The following DROSHA variants were observed in gnomAD, a reference collection of about 807,000 sequenced individuals.
DROSHA encodes the protein drosha ribonuclease III.
Under a neutral mutation model 181.9 loss-of-function variants are expected in DROSHA, and 56 were observed. The observed-to-expected ratio is 0.31, with a 90% CI of 0.25 to 0.38. The LOEUF is 0.38. DROSHA is among the 10% of genes least tolerant of loss of function. The probability of loss-of-function intolerance (pLI) is 1.00; values close to 1 mark genes in which losing one functional copy is unlikely to be tolerated. For synonymous variants in DROSHA, 524 were observed against 591.2 expected, an observed-to-expected ratio of 0.89 and a Z score of 1.65; for missense variants, 1,218 against 1,743.5, an observed-to-expected ratio of 0.70 and a Z score of 5.37.
chr5:31,411,916 T>C lies in DROSHA; in HGVS notation c.3526-1029A>G, dbSNP rs1378219369. ...TGTTGGGATTACAGGCGTGAGCCACTGCGCCCAGCCCATACTGGTATCCTT... is the reference window on the plus strand; with the variant it reads ...TGTTGGGATTACAGGCGTGAGCCACCGCGCCCAGCCCATACTGGTATCCTT... On this transcript the variant is annotated intron_variant, in intron 30 of 35. Coordinates refer to ENST00000344624, the MANE Select transcript of DROSHA (RefSeq NM_001382508.1). This position sits in a 1 kb window ranked among gnomAD's most constrained non-coding sequence, Gnocchi z 4.2. Among the ~76,000 whole-genome samples, 1 of 152,240 alleles carries C rather than the reference T, an allele frequency of 6.6e-6. No homozygotes were observed. The highest frequency in any genetic ancestry group is 1.5e-5 in the Non-Finnish European group (1 of 68,038).
At chr5:31,501,343 G>C (rs983419792) in intron 11 of DROSHA, among the ~76,000 whole-genome samples, 1 of 152,018 alleles carries the variant, frequency 6.6e-6, no homozygotes, top group Non-Finnish European at 1.5e-5. Context: ...TCCTTCCCCT[G>C]GTCCTTGAAT....
At chr5:31,492,422 C>T (rs1395159086) in intron 13 of DROSHA, among the ~76,000 whole-genome samples, 2 of 152,186 alleles carry the variant, frequency 1.3e-5, no homozygotes, top group Non-Finnish European at 1.5e-5. Context: ...AATAATTTTT[C>T]AAATTGCAGA....
rs573717147 is a variant in DROSHA, at chr5:31,508,568, A to G, written c.1587+53T>C. ...ATGTATCTTCTGAGCCCAGAGCAAT[A>G]ACCGTTATGTCTGGGTTTGCAACCT... On this transcript the variant is annotated intron_variant, in intron 10 of 35. Transcript: ENST00000344624. 2.9e-4 allele frequency: 462 copies of G among 1,610,500 alleles called. 2 individuals carry two copies. In the Middle Eastern group the frequency reaches 5.1e-3, roughly 18 times the overall value.
At chr5:31,406,068 TA>T (rs569842907) in intron 34 of DROSHA, among the ~76,000 whole-genome samples, 29 of 150,794 alleles carry the variant, frequency 1.9e-4, no homozygotes, top group Non-Finnish European at 3.7e-4. Context: ...AGGAAAAGAA[TA>T]AAAAAAAATA....
At position 31,464,076 on chromosome 5, in the gene DROSHA, A is replaced by G. The variant is rs996433711; in HGVS notation, c.2574+160T>C. 19 of 693,336 alleles carry G rather than the reference A, an allele frequency of 2.7e-5. No homozygotes were observed. In the African/African-American group the frequency reaches 2.9e-4, roughly 11 times the overall value. 42.9% of individuals were successfully genotyped at this position (693,336 alleles called of 1,614,324 possible). A position where few individuals can be genotyped will look rare whatever the true frequency, so the allele number is the denominator to read the frequency against. The stretch of plus-strand genomic sequence containing the variant: ...ACCAGCATCAAAACAGACAACAAAA[A>G]CAAAATCCAAATAATAGAAAACAAT... On this transcript the variant is annotated intron_variant, in intron 20 of 35. Transcript: ENST00000344624.
chr5:31,404,746 T>C (rs888967056), intron 35 of DROSHA, among the ~76,000 whole-genome samples: 1 of 152,126 alleles, frequency 6.6e-6, no homozygotes, highest in Non-Finnish European at 1.5e-5. Context: ...ATCCCACTCC[T>C]GGGAACCTAT....
chr5:31,520,150 T>C (rs1283959385), intron 6 of DROSHA, among the ~76,000 whole-genome samples: 1 of 152,170 alleles, frequency 6.6e-6, no homozygotes, highest in East Asian at 1.9e-4. Context: ...ATTAAAGTTT[T>C]CTGCTTCTTG....
At chr5:31,471,840 A>G (rs1442275366) in intron 17 of DROSHA, among the ~76,000 whole-genome samples, 2 of 152,228 alleles carry the variant, frequency 1.3e-5, no homozygotes, top group East Asian at 3.8e-4. Flanking sequence ...AAATGTACCT[A>G]TCTTCAGGTA....
Position 31,435,838 on chromosome 5 carries a change from C to G in DROSHA, c.2969G>C (p.Ser990Thr). The G allele has an allele frequency of 6.2e-7, 1 of 1,613,242 alleles. No individual in the cohort carries two copies. Residue 990 changes from serine to threonine, a missense_variant, in exon 25 of 36, where the codon AGT (serine) becomes ACT (threonine). Physicochemically the swap from Ser to Thr is moderately conservative, Grantham distance 58. Coordinates refer to ENST00000344624, the MANE Select transcript of DROSHA (RefSeq NM_001382508.1). ...TSVHLYYLFP[S>T]LEEGGLATYR... The stretch of plus-strand genomic sequence containing the variant: ...GGTTGCTAATCCTCCTTCTTCCAGA[C>G]TAGGAAACAAATAGTACAAATGGAC...
chr5:31,498,765 G>A (rs1172623720), intron 11 of DROSHA, among the ~76,000 whole-genome samples: 1 of 152,060 alleles, frequency 6.6e-6, no homozygotes, highest in Non-Finnish European at 1.5e-5. Context: ...GCTGAGGCAG[G>A]AGAATCACTT....
chr5:31,507,511 A>C (rs971211817), intron 10 of DROSHA, among the ~76,000 whole-genome samples: 6 of 151,186 alleles, frequency 4.0e-5, no homozygotes, highest in Admixed American at 6.6e-5. Context: ...ATAGTCCTAG[A>C]TACTTGGGAG....
At chr5:31,529,734 C>CAAAAAAAAAAAAAAAA (rs70955715) in intron 3 of DROSHA, among the ~76,000 whole-genome samples, 15 of 91,172 alleles carry the variant, frequency 1.6e-4, no homozygotes, top group East Asian at 7.5e-4. Flanking sequence ...AAAAAACAAA[C>CAAAAAAAAAAAAAAAA]AAAAAAAAAA....
At position 31,483,456 on chromosome 5, in the gene DROSHA, G is replaced by A. The variant is rs771014408; in HGVS notation, c.2071+98C>T. On this transcript the variant is annotated intron_variant, in intron 16 of 35. Coordinates refer to ENST00000344624, the MANE Select transcript of DROSHA (RefSeq NM_001382508.1). The stretch of plus-strand genomic sequence containing the variant: ...TGAGAAGTAGATAATTAACAGTATC[G>A]AAGGTGGGAAAGTTGTCCCTGAAGA... The A allele has an allele frequency of 2.5e-5, 29 of 1,151,178 alleles. No homozygotes were observed. In the Admixed American group the frequency reaches 2.7e-4, roughly 11 times the overall value. The allele number at this position is 1,151,178 out of a possible 1,614,324, so 71.3% of individuals were successfully genotyped here.
intron 3 of DROSHA, 68 bp from the exon 4 acceptor site, chr5:31,529,173 C>A (rs1740931321): frequency 2.2e-5 from 31 of 1,378,012 alleles, no homozygotes; most frequent in Non-Finnish European, 3.0e-5. Flanking sequence ...CAAAATATTT[C>A]TGCAATTACC....
intron 20 of DROSHA, among the ~76,000 whole-genome samples, chr5:31,454,698 T>C (rs1747427142): frequency 6.6e-6 from 1 of 151,912 alleles, no homozygotes; most frequent in African/African-American, 2.4e-5. Context: ...CCCAGCACTG[T>C]GGGAGGCCGA....
At chr5:31,406,498 A>T (rs74965875) in intron 34 of DROSHA, among the ~76,000 whole-genome samples, 19,832 of 152,106 alleles carry the variant, frequency 0.13, 1,681 homozygotes, top group East Asian at 0.29. Flanking sequence ...TCCAAAAAAA[A>T]AAATAAATAA....
intron 30 of DROSHA, among the ~76,000 whole-genome samples, chr5:31,419,058 T>TA (rs1251166807): frequency 6.6e-6 from 1 of 152,190 alleles, no homozygotes; most frequent in African/African-American, 2.4e-5. Flanking sequence ...CATGGACTGT[T>TA]TATTAGCTGT....
chr5:31,469,183 C>A (rs1749452371), intron 17 of DROSHA, among the ~76,000 whole-genome samples: 1 of 152,038 alleles, frequency 6.6e-6, no homozygotes, highest in South Asian at 2.1e-4. Context: ...ATAGTGAAAC[C>A]CCATCTCTAC....
At chr5:31,417,605 A>G (rs769870073) in intron 30 of DROSHA, among the ~76,000 whole-genome samples, 15 of 152,218 alleles carry the variant, frequency 9.9e-5, no homozygotes, top group Non-Finnish European at 2.1e-4. Flanking sequence ...GAAAAGGCCA[A>G]AGACACAAAT....
Sources: gnomAD v4.1 joint callset for allele counts (sites outside exome capture counted in the v4.1 genomes callset) on GRCh38, gnomAD v4.1.1 for gene constraint, Gnocchi (gnomAD v3.1) non-coding constraint, MANE v1.5 for transcripts, NCBI Gene and HGNC (gene_info 2026-07-23, HGNC 2026-07-21) for gene names.